Variants in GULP1 observed in about 807,000 individuals in gnomAD.
GULP1 encodes the protein GULP PTB domain containing engulfment adaptor 1, also known as PTB domain-containing engulfment adapter protein 1.
Under a neutral mutation model 40.9 loss-of-function variants are expected in GULP1, and 19 were observed. That is an observed-to-expected ratio of 0.46 (90% confidence interval 0.32 to 0.68). The LOEUF is 0.68. GULP1 is among the 30% of genes least tolerant of loss of function. GULP1 has a pLI of 0.03. For synonymous variants in GULP1, 119 were observed against 117.6 expected (o/e 1.01, Z -0.08); for missense variants, 312 against 362.2 (o/e 0.86, Z 1.12).
chr2:188,413,695 C>T (rs1279203456), intron 2 of GULP1, among the ~76,000 whole-genome samples: 2 of 152,094 alleles, frequency 1.3e-5, no homozygotes, highest in Non-Finnish European at 2.9e-5. Context: ...CTTGTTCTTT[C>T]CTATCATAAT....
chr2:188,529,142 G>T lies in GULP1; in HGVS notation c.208G>T (p.Val70Leu), dbSNP rs745413094. The T allele has an allele frequency of 6.3e-7, 1 of 1,589,754 alleles. No homozygotes were observed. The highest frequency in any genetic ancestry group is 2.3e-5 in the East Asian group (1 of 44,342). Residue 70 changes from valine to leucine, a missense_variant, in exon 6 of 12, where the codon GTG becomes TTG. Val to Leu is a conservative substitution (Grantham distance 32). Transcript: ENST00000409830. ...ATCTGAAGGCCAGAAAATTCCTAAA[G>T]TGGAGTTGCAAATATCAATTTATGG... The part of the protein sequence containing the change: ...KKSEGQKIPK[V>L]ELQISIYGVK...
intron 1 of GULP1, among the ~76,000 whole-genome samples, chr2:188,383,133 C>G (rs572860277): frequency 1.3e-5 from 2 of 152,138 alleles, no homozygotes; most frequent in African/African-American, 4.8e-5. Context: ...GAACTTATGT[C>G]AGCGGTACAT....
At chr2:188,362,217 T>A (rs964086577) in intron 1 of GULP1, among the ~76,000 whole-genome samples, 1 of 152,222 alleles carries the variant, frequency 6.6e-6, no homozygotes, top group African/African-American at 2.4e-5. Context: ...GTAAAAGTGT[T>A]TCCTTGTGAG....
chr2:188,435,117 T>C (rs1291105385), intron 2 of GULP1, among the ~76,000 whole-genome samples: 2 of 152,074 alleles, frequency 1.3e-5, no homozygotes, highest in Non-Finnish European at 2.9e-5. Flanking sequence ...CTCCCCAGTG[T>C]TTTTCTGGAC....
chr2:188,472,187 G>C (rs2060644739), intron 2 of GULP1, among the ~76,000 whole-genome samples: 1 of 151,948 alleles, frequency 6.6e-6, no homozygotes, highest in African/African-American at 2.4e-5. Context: ...TTCTTTTGTT[G>C]ATTTTAGCAT....
Position 188,514,040 on chromosome 2 carries a change from AGT to A in GULP1, c.91-8674_91-8673del, listed in dbSNP as rs1164481151. On this transcript the variant is annotated intron_variant, in intron 4 of 11. Coordinates refer to ENST00000409830, the MANE Select transcript of GULP1 (RefSeq NM_016315.4). ...GATCTGTCTAAATGGTCCCCTTCTG[AGT>A]GTGTGTGTGTGTGTGTGTGTGTGTG... Among the ~76,000 whole-genome samples the A allele has an allele frequency of 9.4e-3, 1,155 of 123,054 alleles. 14 individuals carry two copies. Among genetic ancestry groups the A allele is most frequent in the African/African-American group, 0.029 (958 of 33,082 alleles). 80.7% of individuals were successfully genotyped at this position (123,054 alleles called of 152,430 possible).
chr2:188,482,283 A>T (rs1420826823), intron 3 of GULP1, among the ~76,000 whole-genome samples: 2 of 151,984 alleles, frequency 1.3e-5, no homozygotes, highest in Admixed American at 6.6e-5. Flanking sequence ...ACATTAACCC[A>T]GTTTAAGAAG....
chr2:188,454,650 A>C (rs1400500676), intron 2 of GULP1, among the ~76,000 whole-genome samples: 1 of 152,230 alleles, frequency 6.6e-6, no homozygotes, highest in African/African-American at 2.4e-5. Context: ...CAAATTGGAT[A>C]AGAGGACTTA....
Position 188,446,629 on chromosome 2 carries a change from T to C in GULP1, c.-44-31030T>C, listed in dbSNP as rs189562215. Among the ~76,000 whole-genome samples the C allele has an allele frequency of 4.6e-3, 699 of 152,294 alleles. 7 individuals carry two copies. The highest frequency in any genetic ancestry group is 0.016 in the African/African-American group (672 of 41,562). On this transcript the variant is annotated intron_variant, in intron 2 of 11. Transcript: ENST00000409830. Reference sequence around the variant, plus strand: ...TCTCTGCCACAAATGACTTGTCTGGTTTAAATTTCTTCAGTGCCAGTGCTT... The same window carrying C: ...TCTCTGCCACAAATGACTTGTCTGGCTTAAATTTCTTCAGTGCCAGTGCTT...
intron 1 of GULP1, among the ~76,000 whole-genome samples, chr2:188,346,961 C>A (rs1431605080): frequency 6.8e-6 from 1 of 146,808 alleles, no homozygotes; most frequent in Non-Finnish European, 1.5e-5. Context: ...CAGAGAAAGA[C>A]TCCGTCTCAA....
chr2:188,416,129 A>ATTGAATTAAAG, intron 2 of GULP1, among the ~76,000 whole-genome samples: 1 of 152,272 alleles, frequency 6.6e-6, no homozygotes, highest in East Asian at 1.9e-4. Flanking sequence ...CCACTCTTCA[A>ATTGAATTAAAG]AATGAAATTC....
At chr2:188,391,283 C>T (rs1442281736) in intron 2 of GULP1, among the ~76,000 whole-genome samples, 3 of 152,004 alleles carry the variant, frequency 2.0e-5, no homozygotes, top group Admixed American at 6.6e-5. Context: ...TGATTTCTTT[C>T]AGCAGTGTTT....
At chr2:188,422,427 A>C (rs1029318254) in intron 2 of GULP1, among the ~76,000 whole-genome samples, 3 of 151,312 alleles carry the variant, frequency 2.0e-5, no homozygotes, top group Admixed American at 6.6e-5. Context: ...TATATTCATA[A>C]TTAAATTTAT....
At chr2:188,476,094 G>T (rs1288961078) in intron 2 of GULP1, among the ~76,000 whole-genome samples, 1 of 152,148 alleles carries the variant, frequency 6.6e-6, no homozygotes, top group Non-Finnish European at 1.5e-5. Context: ...GTGAATGCCA[G>T]ATGACACAGT....
At chr2:188,388,492 G>A (rs1047274030) in intron 2 of GULP1, among the ~76,000 whole-genome samples, 42 of 152,018 alleles carry the variant, frequency 2.8e-4, no homozygotes, top group African/African-American at 9.4e-4. Context: ...ACAGTGAGAC[G>A]TGATCACACC....
chr2:188,591,207 C>T (rs185716314), intron 11 of GULP1: 14 of 151,938 alleles, frequency 9.2e-5, no homozygotes, highest in Admixed American at 8.5e-4. Flanking sequence ...TCAAAGTAAA[C>T]ATATAAATCA....
chr2:188,337,984 T>G (rs2042487610), intron 1 of GULP1, among the ~76,000 whole-genome samples: 1 of 152,116 alleles, frequency 6.6e-6, no homozygotes, highest in African/African-American at 2.4e-5. Flanking sequence ...TGGACAAAAA[T>G]GAACTGGAGA....
chr2:188,477,717 T>C lies in GULP1; in HGVS notation c.15T>C (p.Phe5=). The part of the protein sequence containing the change: MNRA[F]SRKKDKTWMH... ...TGATCCTCATCATGAACCGTGCTTT[T>C]AGCAGGAAGAAAGGTAAGTGTGGTC... Residue 5 remains phenylalanine (F), a synonymous_variant, in exon 3 of 12, where the codon TTT becomes TTC. Transcript: ENST00000409830. 6.2e-7 allele frequency: 1 copy of C among 1,602,654 alleles called. No homozygotes were observed. Among genetic ancestry groups the C allele is most frequent in the Non-Finnish European group, 8.5e-7 (1 of 1,174,600 alleles).
At chr2:188,571,699 G>GAA (rs559285199) in intron 9 of GULP1, among the ~76,000 whole-genome samples, 4 of 152,150 alleles carry the variant, frequency 2.6e-5, no homozygotes, top group Admixed American at 6.6e-5. Context: ...TCCCAAGATG[G>GAA]AACACACATC....
Sources: gnomAD v4.1 joint callset for allele counts (sites outside exome capture counted in the v4.1 genomes callset) on GRCh38, gnomAD v4.1.1 for gene constraint, MANE v1.5 for transcripts, NCBI Gene and HGNC (gene_info 2026-07-23, HGNC 2026-07-21) for gene names.